The following MYO1F variants were observed in gnomAD, a reference collection of about 807,000 sequenced individuals.
MYO1F encodes the protein unconventional myosin-If.
In MYO1F, 60 loss-of-function variants were observed where a neutral mutation model predicts 146.6. The observed-to-expected ratio is 0.41, with a 90% CI of 0.33 to 0.51. The LOEUF (loss-of-function observed/expected upper bound fraction) is 0.51. Ranked by LOEUF, MYO1F falls within the 20% of genes least tolerant of loss-of-function variation. The pLI, the probability that MYO1F is intolerant of heterozygous loss-of-function variation, is 0.25. For missense variants in MYO1F, 1,274 were observed against 1,534.3 expected (o/e 0.83, Z 2.83); for synonymous variants, 602 against 602.1 (o/e 1.00, Z 0.00).
chr19:8,537,028 G>C lies in MYO1F; in HGVS notation c.1720C>G (p.Leu574Val). Residue 574 changes from leucine (L) to valine (V), a missense_variant, in exon 17 of 28, where the codon CTG becomes GTG. Physicochemically the swap from Leu to Val is conservative, Grantham distance 32. Around this residue, in one of 2 missense-constraint regions of MYO1F, gnomAD observed 900 missense variants for 1,155.1 expected, o/e 0.78. Coordinates refer to ENST00000644032, the MANE Select transcript of MYO1F (RefSeq NM_012335.4). ...KKQANDLVATLMRCTPHYIRC... is the reference protein window; with the variant it reads ...KKQANDLVATVMRCTPHYIRC... The stretch of plus-strand genomic sequence containing the variant: ...ATGTAGTGGGGTGTGCACCTCATCA[G>C]TGTGGCCACCAGGTCGTTGGCTTGT... 1 of 1,613,408 alleles carries C rather than the reference G, an allele frequency of 6.2e-7. No individual in the cohort carries two copies. Among genetic ancestry groups the C allele is most frequent in the Non-Finnish European group, 8.5e-7 (1 of 1,179,768 alleles).
Position 8,550,180 on chromosome 19 carries a change from G to A in MYO1F, c.1081C>T (p.Leu361Phe). 1.2e-6 allele frequency: 2 copies of A among 1,614,150 alleles called. No individual in the cohort carries two copies. The highest frequency in any genetic ancestry group is 1.7e-6 in the Non-Finnish European group (2 of 1,180,046). ...DALAKGLYARLFDFLVEAINR... is the reference protein window; with the variant it reads ...DALAKGLYARFFDFLVEAINR... Reference sequence around the variant, plus strand: ...CTCGCCTCCACGAGGAAGTCGAAGAGGCGGGCATAGAGCCCCTTGGCCAGG... The same window carrying A: ...CTCGCCTCCACGAGGAAGTCGAAGAAGCGGGCATAGAGCCCCTTGGCCAGG... Residue 361 changes from leucine to phenylalanine, a missense_variant, in exon 10 of 28, where the codon CTC becomes TTC. Coordinates refer to ENST00000644032, the MANE Select transcript of MYO1F (RefSeq NM_012335.4).
chr19:8,525,638 T>A lies in MYO1F; in HGVS notation c.2771-76A>T. 5 of 1,299,190 alleles carry A rather than the reference T, an allele frequency of 3.8e-6. No individual in the cohort carries two copies. In the East Asian group the frequency reaches 1.2e-4, roughly 31 times the overall value. 80.5% of individuals were successfully genotyped at this position (1,299,190 alleles called of 1,614,324 possible). Reference sequence around the variant, plus strand: ...CCCCGCCCACAAATCTAGTCCATTCTGAGGCTCCGCCGCACCCCGCCCCCT... The same window carrying A: ...CCCCGCCCACAAATCTAGTCCATTCAGAGGCTCCGCCGCACCCCGCCCCCT... On this transcript the variant is annotated intron_variant, in intron 24 of 27. Transcript: ENST00000644032.
chr19:8,560,005 G>C (rs997287017), intron 1 of MYO1F, among the ~76,000 whole-genome samples: 4 of 150,800 alleles, frequency 2.7e-5, no homozygotes, highest in Non-Finnish European at 4.4e-5. Flanking sequence ...CACCTATGCT[G>C]TGCCTGGTTT....
chr19:8,554,420 G>GATA (rs1973756826), intron 4 of MYO1F, 57 bp downstream of exon 4: 2 of 1,448,316 alleles, frequency 1.4e-6, no homozygotes, highest in Non-Finnish European at 9.7e-7. Flanking sequence ...TGGGGGTGGT[G>GATA]ATGTTTCAGC....
chr19:8,525,511 G>T lies in MYO1F; in HGVS notation c.2822C>A (p.Ala941Asp), dbSNP rs1972228146. The change falls in exon 25 of 28, where the codon GCC becomes GAC. Residue 941 changes from alanine to aspartate, a missense_variant. Transcript: ENST00000644032. ...AKGKPRRSSQ[A>D]PTRAAPAPPR... ...GGGCGCAGGGGCCGCCCGGGTAGGG[G>T]CTTGGGACGACCTCCGAGGTTTTCC... is the stretch of plus-strand genomic sequence containing the variant. 6.2e-7 allele frequency: 1 copy of T among 1,613,506 alleles called. No homozygotes were observed. Among genetic ancestry groups the T allele is most frequent in the South Asian group, 1.1e-5 (1 of 91,090 alleles).
intron 1 of MYO1F, among the ~76,000 whole-genome samples, chr19:8,568,582 T>C (rs2042052484): frequency 6.6e-6 from 1 of 152,070 alleles, no homozygotes; most frequent in Admixed American, 6.6e-5. Context: ...ACTGTGTGAC[T>C]CTGGGGAGGT....
intron 12 of MYO1F, 50 bp downstream of exon 12, chr19:8,547,986 A>ACCCCCCCCCCCCCCCCC: frequency 1.2e-6 from 1 of 837,532 alleles, no homozygotes; most frequent in Non-Finnish European, 2.1e-6. Flanking sequence ...TGGTCCTTCC[A>ACCCCCCCCCCCCCCCCC]CCCCACCCCC....
At chr19:8,547,996 C>T in intron 12 of MYO1F, 40 bp downstream of exon 12, 1 of 1,100,026 alleles carries the variant, frequency 9.1e-7, no homozygotes. Context: ...ACCCCACCCC[C>T]ACCCCAGGAT....
At position 8,555,526 on chromosome 19, in the gene MYO1F, G is replaced by C. The variant is rs191148523; in HGVS notation, c.141+133C>G. ...CCAACCAGAGCCCTGCTGTCACTCTGTCTGTCCTCTGTGTCACCACTTGGT... is the reference window on the plus strand; with the variant it reads ...CCAACCAGAGCCCTGCTGTCACTCTCTCTGTCCTCTGTGTCACCACTTGGT... On this transcript the variant is annotated intron_variant, in intron 2 of 27. Transcript: ENST00000644032. 4.0e-6 allele frequency: 5 copies of C among 1,252,358 alleles called. No individual in the cohort carries two copies. The African/African-American group carries it at 6.2e-5, about 16-fold the overall frequency. 77.6% of individuals were successfully genotyped at this position (1,252,358 alleles called of 1,614,324 possible). A position where few individuals can be genotyped will look rare whatever the true frequency, so the allele number is the denominator to read the frequency against.
chr19:8,574,903 G>A (rs369079847), intron 1 of MYO1F, among the ~76,000 whole-genome samples: 4 of 149,666 alleles, frequency 2.7e-5, no homozygotes, highest in Non-Finnish European at 4.4e-5. Context: ...TTACAGGCGC[G>A]CACCACCACG....
At chr19:8,522,023 CTT>C (rs34105946) in intron 27 of MYO1F, among the ~76,000 whole-genome samples, 27,043 of 133,256 alleles carry the variant, frequency 0.2, 2,603 homozygotes, top group African/African-American at 0.27. Flanking sequence ...AGTCAGGGTT[CTT>C]TTTTTTTTTT....
At chr19:8,555,902 C>T in intron 1 of MYO1F, 106 bp from the exon 2 acceptor site, 2 of 1,151,862 alleles carry the variant, frequency 1.7e-6, no homozygotes, top group Non-Finnish European at 2.4e-6. Flanking sequence ...CCCGCCCCAC[C>T]TCCATTCCTC....
intron 4 of MYO1F, 87 bp downstream of exon 4, chr19:8,554,390 G>C: frequency 9.2e-7 from 1 of 1,088,400 alleles, no homozygotes; most frequent in Non-Finnish European, 1.4e-6. Flanking sequence ...TTCAGATTGG[G>C]AGTTTCAGGC....
rs375865729 is a variant in MYO1F at position 8,521,793 on chromosome 19, G to A, written c.3221-189C>T. Among the ~76,000 whole-genome samples the A allele has an allele frequency of 1.4e-4, 22 of 152,100 alleles. 2 individuals are homozygous for A. The highest frequency in any genetic ancestry group is 3.3e-4 in the Admixed American group (5 of 15,260). ...ATTACAGGTGTGAGCCACTGCATCC[G>A]GCCATTTCTACTCTTTAAAAGTTTT... On this transcript the variant is annotated intron_variant, in intron 27 of 27. Coordinates refer to ENST00000644032, the MANE Select transcript of MYO1F (RefSeq NM_012335.4).
chr19:8,534,198 A>T (rs994047026), intron 19 of MYO1F, among the ~76,000 whole-genome samples: 1 of 151,660 alleles, frequency 6.6e-6, no homozygotes, highest in Admixed American at 6.6e-5. Context: ...AAAAAAATTC[A>T]TCCCAACATG....
chr19:8,570,057 C>T (rs1002700742), intron 1 of MYO1F, among the ~76,000 whole-genome samples: 3 of 152,028 alleles, frequency 2.0e-5, no homozygotes, highest in Non-Finnish European at 4.4e-5. Context: ...CAGGTGCATA[C>T]TACCACGCCT....
At position 8,551,801 on chromosome 19, in the gene MYO1F, T is replaced by A; in HGVS notation, c.710A>T (p.Asn237Ile). The A allele has an allele frequency of 6.2e-7, 1 of 1,614,126 alleles. No homozygotes were observed. The highest frequency in any genetic ancestry group is 1.7e-5 in the Admixed American group (1 of 60,008). The change falls in exon 8 of 28, where the codon AAC becomes ATC. Residue 237 changes from asparagine (N) to isoleucine (I), a missense_variant. Physicochemically the swap from Asn to Ile is moderately radical, Grantham distance 149 (BLOSUM62 -3). Transcript: ENST00000644032. Reference sequence around the variant, plus strand: ...GTCCACCTGGTAGGTGTCCGATTGGTTGAGGTAGTAATAGTAGTCCGGTGT... The same window carrying A: ...GTCCACCTGGTAGGTGTCCGATTGGATGAGGTAGTAATAGTAGTCCGGTGT... ...LMTPDYYYYLNQSDTYQVDGT... is the reference protein window; with the variant it reads ...LMTPDYYYYLIQSDTYQVDGT...
At chr19:8,531,691 T>G (rs1008947021) in intron 19 of MYO1F, among the ~76,000 whole-genome samples, 2 of 152,244 alleles carry the variant, frequency 1.3e-5, no homozygotes, top group African/African-American at 4.8e-5. Flanking sequence ...ACCTGTGTGC[T>G]TTTGCAAGAA....
intron 1 of MYO1F, among the ~76,000 whole-genome samples, chr19:8,574,115 A>G (rs1555732660): frequency 6.6e-6 from 1 of 152,170 alleles, no homozygotes; most frequent in African/African-American, 2.4e-5. Flanking sequence ...AAGCATCTCC[A>G]GAATTTCCAG....
Sources: allele counts gnomAD v4.1 joint callset (sites outside exome capture counted in the v4.1 genomes callset), GRCh38; gene constraint gnomAD v4.1.1; regional missense constraint gnomAD v4.1.1; transcripts MANE v1.5; gene names NCBI Gene and HGNC (gene_info 2026-07-23, HGNC 2026-07-21).